The following FHOD3 variants were observed in gnomAD, a reference collection of about 807,000 sequenced individuals.
The protein encoded by FHOD3 is formin homology 2 domain containing 3, also known as FH1/FH2 domain-containing protein 3.
A neutral mutation model predicts 173.0 loss-of-function variants in FHOD3; 90 were observed. That is an observed-to-expected ratio of 0.52 (90% confidence interval 0.44 to 0.62). FHOD3 has a LOEUF of 0.62. Among genes scored for constraint, FHOD3 ranks in the 20% least tolerant of loss-of-function variants. FHOD3 has a pLI of 0.00. For synonymous variants in FHOD3, 828 were observed against 823.0 expected (o/e 1.01, Z -0.10); for missense variants, 1,945 against 2,034.7 (o/e 0.96, Z 0.85).
intron 3 of FHOD3, among the ~76,000 whole-genome samples, chr18:36,437,614 T>A (rs2050878009): frequency 6.6e-6 from 1 of 151,906 alleles, no homozygotes; most frequent in East Asian, 1.9e-4. Flanking sequence ...GAAATGTCCT[T>A]CCACACTAGT....
intron 1 of FHOD3, among the ~76,000 whole-genome samples, chr18:36,314,540 G>A (rs2044027662): frequency 6.6e-6 from 1 of 152,178 alleles, no homozygotes; most frequent in South Asian, 2.1e-4. Flanking sequence ...AGGAGGAGGT[G>A]GTAGGAACAA....
chr18:36,330,782 A>G (rs919378479), intron 1 of FHOD3, among the ~76,000 whole-genome samples: 3 of 152,262 alleles, frequency 2.0e-5, no homozygotes, highest in East Asian at 3.9e-4. Context: ...TTGGGAAACC[A>G]CATCAGGGTT....
intron 17 of FHOD3, among the ~76,000 whole-genome samples, chr18:36,706,128 G>A (rs903355129): frequency 2.6e-5 from 4 of 152,164 alleles, no homozygotes; most frequent in Admixed American, 2.6e-4. Context: ...GCTGTGAGCA[G>A]ACGCTGGCCC....
chr18:36,753,333 C>T (rs1012490318), intron 24 of FHOD3, among the ~76,000 whole-genome samples: 4 of 152,136 alleles, frequency 2.6e-5, no homozygotes, highest in African/African-American at 9.7e-5. Context: ...ACCAGGATTC[C>T]AGTGTAACTA....
chr18:36,563,115 T>C (rs1242006796), intron 5 of FHOD3, among the ~76,000 whole-genome samples: 2 of 152,200 alleles, frequency 1.3e-5, no homozygotes, highest in Admixed American at 6.5e-5. Flanking sequence ...GTTGAGTAAA[T>C]TGAGGGTTTT....
chr18:36,319,504 A>G (rs1426594349), intron 1 of FHOD3, among the ~76,000 whole-genome samples: 2 of 152,226 alleles, frequency 1.3e-5, no homozygotes, highest in Admixed American at 1.3e-4. Flanking sequence ...TTAGAGACCT[A>G]CAAAGAGATT....
Position 36,759,081 on chromosome 18 carries a change from T to C in FHOD3, c.4426-37T>C, listed in dbSNP as rs16968290. 4.2e-3 allele frequency: 6,480 copies of C among 1,535,384 alleles called. 245 individuals are homozygous for C. In the African/African-American group the frequency reaches 0.077, roughly 18 times the overall value. ...CTGTGCCTTCTAAGAATCCCTTCTG[T>C]CTTTTCCGTCCTGTCCTGTCCTGTC... On this transcript the variant is annotated intron_variant, in intron 25 of 28. Coordinates refer to ENST00000590592, the MANE Select transcript of FHOD3 (RefSeq NM_001281740.3).
intron 23 of FHOD3, among the ~76,000 whole-genome samples, chr18:36,745,172 G>C (rs375217452): frequency 5.3e-5 from 8 of 152,242 alleles, no homozygotes; most frequent in African/African-American, 1.4e-4. Context: ...CCTGGTGGCC[G>C]AGAGCCTCCT....
chr18:36,337,926 G>A (rs1161044202), intron 1 of FHOD3, among the ~76,000 whole-genome samples: 1 of 152,140 alleles, frequency 6.6e-6, no homozygotes. Context: ...ATGCTGACTT[G>A]GGTATCTGGG....
chr18:36,342,706 C>T (rs1210241820), intron 1 of FHOD3, among the ~76,000 whole-genome samples: 1 of 152,126 alleles, frequency 6.6e-6, no homozygotes, highest in Non-Finnish European at 1.5e-5. Flanking sequence ...ACTTCTGTGC[C>T]TCAAAGGGCA....
intron 1 of FHOD3, among the ~76,000 whole-genome samples, chr18:36,322,863 ATTCATTCCACTGAC>A (rs2044471501): frequency 6.6e-6 from 1 of 152,112 alleles, no homozygotes; most frequent in African/African-American, 2.4e-5. Flanking sequence ...TCACTCACTC[ATTCATTCCACTGAC>A]ACTTACTGCT....
intron 17 of FHOD3, among the ~76,000 whole-genome samples, chr18:36,697,696 T>A (rs2039364767): frequency 6.6e-6 from 1 of 152,114 alleles, no homozygotes; most frequent in African/African-American, 2.4e-5. Flanking sequence ...TTGACAAAGG[T>A]TAATGATACT....
intron 14 of FHOD3, among the ~76,000 whole-genome samples, chr18:36,669,123 C>T (rs1305164912): frequency 2.0e-5 from 3 of 151,922 alleles, no homozygotes; most frequent in East Asian, 1.9e-4. Context: ...AGTTTTCCCT[C>T]GTATCTTGAA....
chr18:36,675,235 C>T (rs1196694527), intron 14 of FHOD3, among the ~76,000 whole-genome samples: 1 of 152,182 alleles, frequency 6.6e-6, no homozygotes, highest in East Asian at 1.9e-4. Flanking sequence ...AAGTTCTTAG[C>T]TGTGTCCTCT....
In FHOD3 at chr18:36,389,373, C is replaced by T. The variant is rs149073680; in HGVS notation, c.337+16629C>T. Among the ~76,000 whole-genome samples, 773 of 152,302 alleles carry T rather than the reference C, an allele frequency of 5.1e-3. 6 individuals carry two copies. Among genetic ancestry groups the T allele is most frequent in the Non-Finnish European group, 7.6e-3 (519 of 68,032 alleles). On this transcript the variant is annotated intron_variant, in intron 3 of 28. Coordinates refer to ENST00000590592, the MANE Select transcript of FHOD3 (RefSeq NM_001281740.3). ...TATCCTGGGATTCCCATTGCTGGGCCTTTGTCAGTTGACTTGTGGAGAATG... is the reference window on the plus strand; with the variant it reads ...TATCCTGGGATTCCCATTGCTGGGCTTTTGTCAGTTGACTTGTGGAGAATG...
intron 3 of FHOD3, among the ~76,000 whole-genome samples, chr18:36,401,103 G>A (rs1449652289): frequency 2.6e-5 from 4 of 152,180 alleles, no homozygotes; most frequent in African/African-American, 9.7e-5. Context: ...GTGATGCATG[G>A]CGTGCTGTGG....
At chr18:36,403,454 G>T (rs894757793) in intron 3 of FHOD3, among the ~76,000 whole-genome samples, 44 of 152,186 alleles carry the variant, frequency 2.9e-4, no homozygotes, top group African/African-American at 1.0e-3. Context: ...CACCTACTAA[G>T]ATTGGAACCT....
chr18:36,458,893 C>T (rs2052385697), intron 3 of FHOD3, among the ~76,000 whole-genome samples: 1 of 152,132 alleles, frequency 6.6e-6, no homozygotes, highest in Admixed American at 6.5e-5. Context: ...ATTATTTCTG[C>T]ACGTATCCTT....
intron 9 of FHOD3, among the ~76,000 whole-genome samples, chr18:36,625,043 T>C (rs544870120): frequency 2.1e-4 from 32 of 152,196 alleles, no homozygotes; most frequent in Non-Finnish European, 3.2e-4. Context: ...CACCTGGATC[T>C]TGTGGCTCTG....
Sources: gnomAD v4.1 joint callset for allele counts (sites outside exome capture counted in the v4.1 genomes callset) on GRCh38, gnomAD v4.1.1 for gene constraint, MANE v1.5 for transcripts, NCBI Gene and HGNC (gene_info 2026-07-23, HGNC 2026-07-21) for gene names.